The following GRK7 variants were observed in gnomAD, a reference collection of about 807,000 sequenced individuals.
GRK7 encodes rhodopsin kinase GRK7.
GRK7 carries 24 observed loss-of-function variants against 34.1 expected under a neutral mutation model. The observed-to-expected ratio is 0.70, with a 90% CI of 0.51 to 0.99. The LOEUF (loss-of-function observed/expected upper bound fraction) is 0.99, where lower values mean the gene tolerates loss of function less well. Ranked by LOEUF, GRK7 falls within the 50% of genes least tolerant of loss-of-function variation. The probability of loss-of-function intolerance (pLI) is 0.00; values close to 1 mark genes in which losing one functional copy is unlikely to be tolerated. For missense variants in GRK7, 644 were observed against 707.3 expected (o/e 0.91, Z 1.02); for synonymous variants, 256 against 279.4 (o/e 0.92, Z 0.84).
chr3:141,793,819 C>T (rs1382977693), intron 4 of GRK7, among the ~76,000 whole-genome samples: 3 of 152,204 alleles, frequency 2.0e-5, no homozygotes, highest in Non-Finnish European at 2.9e-5. Flanking sequence ...AATATAGGGC[C>T]TCTTCTTCAA....
Position 141,816,972 on chromosome 3 carries a change from G to C in GRK7, c.1584G>C (p.Glu528Asp). 5 of 1,614,074 alleles carry C rather than the reference G, an allele frequency of 3.1e-6. No homozygotes were observed. Among genetic ancestry groups the C allele is most frequent in the Non-Finnish European group, 4.2e-6 (5 of 1,180,012 alleles). ...QEEIIETGLF[E>D]ELNDPNRPTG... is the part of the protein sequence containing the mutation. Reference sequence around the variant, plus strand: ...AAATTATAGAAACGGGACTGTTTGAGGAACTGAATGACCCCAACAGACCTA... The same window carrying C: ...AAATTATAGAAACGGGACTGTTTGACGAACTGAATGACCCCAACAGACCTA... The change falls in exon 6 of 6, where the codon GAG becomes GAC. Residue 528 changes from glutamate to aspartate, a missense_variant. Physicochemically the swap from Glu to Asp is conservative, Grantham distance 45. Transcript: ENST00000682958.
rs1418804209 is a variant in GRK7 at position 141,778,783 on chromosome 3, G to C, written c.499G>C (p.Val167Leu). ...FLQEQPFKDF[V>L]TSAFYDKFLQ... is the part of the protein sequence containing the mutation. ...GCAAGAGCAGCCCTTTAAGGATTTCGTGACCAGCGCCTTCTACGACAAGTT... is the reference window on the plus strand; with the variant it reads ...GCAAGAGCAGCCCTTTAAGGATTTCCTGACCAGCGCCTTCTACGACAAGTT... The change falls in exon 3 of 6, where the codon GTG (valine) becomes CTG (leucine). Residue 167 changes from valine (V) to leucine (L), a missense_variant. Coordinates refer to ENST00000682958, the MANE Select transcript of GRK7 (RefSeq NM_139209.3). The surrounding 1 kb of genome is among the most constrained non-coding windows in gnomAD (Gnocchi z 4.1). 1 of 1,607,442 alleles carries C rather than the reference G, an allele frequency of 6.2e-7. No individual in the cohort carries two copies. The highest frequency in any genetic ancestry group is 1.3e-5 in the African/African-American group (1 of 74,706).
intron 4 of GRK7, among the ~76,000 whole-genome samples, chr3:141,794,165 G>T (rs756635290): frequency 2.0e-5 from 3 of 152,206 alleles, no homozygotes; most frequent in Non-Finnish European, 2.9e-5. Flanking sequence ...GTGAGCTGAG[G>T]CTCCAAGTAC....
intron 1 of GRK7, among the ~76,000 whole-genome samples, chr3:141,767,639 G>C (rs578038840): frequency 1.3e-5 from 2 of 152,034 alleles, no homozygotes; most frequent in African/African-American, 4.8e-5. Context: ...GACCTCAGGC[G>C]ATCCATCCAC....
the GRK7 span, among the ~76,000 whole-genome samples, chr3:141,750,938 G>A: frequency 6.6e-6 from 1 of 152,142 alleles, no homozygotes; most frequent in Non-Finnish European, 1.5e-5. Flanking sequence ...TTGGGAGGCT[G>A]AGGCAGGAGG....
intron 4 of GRK7, among the ~76,000 whole-genome samples, chr3:141,782,644 G>A (rs1298083652): frequency 6.6e-6 from 1 of 152,004 alleles, no homozygotes; most frequent in African/African-American, 2.4e-5. Flanking sequence ...ACCAACATGT[G>A]GGGGTATAGA....
chr3:141,776,213 G>A (rs1384019508), intron 2 of GRK7, among the ~76,000 whole-genome samples: 1 of 152,078 alleles, frequency 6.6e-6, no homozygotes, highest in African/African-American at 2.4e-5. Context: ...CGTGAACCCA[G>A]GAGGCGGAGT....
Position 141,807,790 on chromosome 3 carries a change from G to A in GRK7, c.1196G>A (p.Ser399Asn). Residue 399 changes from serine to asparagine, a missense_variant, in exon 5 of 6, where the codon AGT becomes AAT. Physicochemically the swap from Ser to Asn is conservative, Grantham distance 46. Transcript: ENST00000682958. ...TPFKDYKEKV[S>N]KEDLKQRTLQ... ...TTCAAAGATTACAAGGAAAAGGTCA[G>A]TAAAGAGGATCTGAAGCAAAGAACT... is the stretch of plus-strand genomic sequence containing the variant. 6.2e-7 allele frequency: 1 copy of A among 1,614,212 alleles called. No individual in the cohort carries two copies. Among genetic ancestry groups the A allele is most frequent in the Non-Finnish European group, 8.5e-7 (1 of 1,180,036 alleles).
chr3:141,811,567 A>G (rs763322550), intron 5 of GRK7, among the ~76,000 whole-genome samples: 12 of 152,352 alleles, frequency 7.9e-5, no homozygotes, highest in Non-Finnish European at 1.2e-4. Flanking sequence ...GGAAAGGCAT[A>G]TAAAAAACAG....
chr3:141,776,248 C>T (rs1285652645), intron 2 of GRK7, among the ~76,000 whole-genome samples: 2 of 151,950 alleles, frequency 1.3e-5, no homozygotes, highest in Non-Finnish European at 2.9e-5. Context: ...GATCACGCCA[C>T]TGCACTCCAG....
intron 4 of GRK7, among the ~76,000 whole-genome samples, chr3:141,789,048 C>T (rs1218822612): frequency 6.6e-6 from 1 of 152,124 alleles, no homozygotes; most frequent in African/African-American, 2.4e-5. Flanking sequence ...CTCCTGGCCT[C>T]ATGTGATCAA....
the GRK7 span, among the ~76,000 whole-genome samples, chr3:141,754,274 A>G: frequency 2.0e-5 from 3 of 152,180 alleles, no homozygotes; most frequent in East Asian, 1.9e-4. Context: ...TGACCATGTC[A>G]GAGTGATGGC....
chr3:141,775,242 A>C (rs2084633673), intron 2 of GRK7, among the ~76,000 whole-genome samples: 1 of 152,138 alleles, frequency 6.6e-6, no homozygotes, highest in Non-Finnish European at 1.5e-5. Context: ...TCTACTAAAA[A>C]TATGAAGATT....
Position 141,763,673 on chromosome 3 carries a change from G to T in GRK7, c.-2280G>T, listed in dbSNP as rs1255642788. On this transcript the variant is annotated 5_prime_UTR_variant, in exon 1 of 6. Transcript: ENST00000682958. The stretch of plus-strand genomic sequence containing the variant: ...GCTTTGAGTCCAGCAATCTCATCCT[G>T]CCCTTTATCCTAGTTAGATACCTCA... Among the ~76,000 whole-genome samples the T allele has an allele frequency of 6.6e-6, 1 of 152,084 alleles. No homozygotes were observed. The highest frequency in any genetic ancestry group is 2.4e-5 in the African/African-American group (1 of 41,398).
At chr3:141,762,400 G>T (rs1256811203), upstream of GRK7, among the ~76,000 whole-genome samples, 1 of 145,192 alleles carries the variant, frequency 6.9e-6, no homozygotes, top group Non-Finnish European at 1.5e-5. Flanking sequence ...TGCCCCTGCT[G>T]GGGGGTGCCT....
At position 141,796,619 on chromosome 3, in the gene GRK7, G is replaced by T. The variant is rs528365490; in HGVS notation, c.1051-11026G>T. Among the ~76,000 whole-genome samples the T allele has an allele frequency of 3.3e-5, 5 of 152,318 alleles. No individual in the cohort carries two copies. In the South Asian group the frequency reaches 1.0e-3, roughly 32 times the overall value. ...GCTTGCATCTGGGTTGAGCCAAGCA[G>T]ACACTCACAGTTGTCTTGCTTCCTC... On this transcript the variant is annotated intron_variant, in intron 4 of 5. Coordinates refer to ENST00000682958, the MANE Select transcript of GRK7 (RefSeq NM_139209.3).
chr3:141,806,181 A>T (rs1285030006), intron 4 of GRK7, among the ~76,000 whole-genome samples: 2 of 152,262 alleles, frequency 1.3e-5, no homozygotes, highest in African/African-American at 4.8e-5. Context: ...TTTGAGGTAC[A>T]TACTCCACAG....
At chr3:141,766,487 T>A (rs2084581683) in intron 1 of GRK7, among the ~76,000 whole-genome samples, 1 of 152,060 alleles carries the variant, frequency 6.6e-6, no homozygotes, top group African/African-American at 2.4e-5. Flanking sequence ...ACTTCCTTAT[T>A]CTCTCCACTC....
chr3:141,799,468 CG>C (rs1463208187), intron 4 of GRK7, among the ~76,000 whole-genome samples: 2 of 151,986 alleles, frequency 1.3e-5, no homozygotes, highest in African/African-American at 4.8e-5. Flanking sequence ...CAAAATTAGC[CG>C]GGCGTGGTGG....
Sources: allele counts gnomAD v4.1 joint callset (sites outside exome capture counted in the v4.1 genomes callset), GRCh38; gene constraint gnomAD v4.1.1; non-coding constraint Gnocchi (gnomAD v3.1); transcripts MANE v1.5; gene names NCBI Gene and HGNC (gene_info 2026-07-23, HGNC 2026-07-21).